Variants in ENTHD1 observed in about 807,000 individuals in gnomAD.
The protein encoded by ENTHD1 is ENTH domain-containing protein 1.
In ENTHD1, 23 loss-of-function variants were observed where a neutral mutation model predicts 39.1. The observed-to-expected ratio is 0.59, with a 90% CI of 0.42 to 0.83. The LOEUF (loss-of-function observed/expected upper bound fraction) is 0.83. ENTHD1 is among the 40% of genes least tolerant of loss of function. The pLI, the probability that ENTHD1 is intolerant of heterozygous loss-of-function variation, is 0.00. For missense variants in ENTHD1, 624 were observed against 705.4 expected, an observed-to-expected ratio of 0.88 and a Z score of 1.31; for synonymous variants, 230 against 258.2, an observed-to-expected ratio of 0.89 and a Z score of 1.05.
At chr22:39,840,453 A>T (rs574898746) in intron 3 of ENTHD1, among the ~76,000 whole-genome samples, 2 of 152,348 alleles carry the variant, frequency 1.3e-5, no homozygotes, top group East Asian at 3.9e-4. Context: ...GCAATGCACC[A>T]TACATTTTGG....
intron 3 of ENTHD1, among the ~76,000 whole-genome samples, chr22:39,848,325 C>T (rs952197236): frequency 6.6e-6 from 1 of 151,510 alleles, no homozygotes; most frequent in Non-Finnish European, 1.5e-5. Flanking sequence ...ACAATCTTGG[C>T]TCACTGCAAC....
At chr22:39,784,582 ACT>A (rs1555925622) in intron 5 of ENTHD1, among the ~76,000 whole-genome samples, 4 of 144,916 alleles carry the variant, frequency 2.8e-5, no homozygotes, top group African/African-American at 1.0e-4. Flanking sequence ...ACACACACAC[ACT>A]AGAATATTCA....
Position 39,887,478 on chromosome 22 carries a change from G to C in ENTHD1, c.271C>G (p.Gln91Glu), listed in dbSNP as rs557485962. The change falls in exon 2 of 7, where the codon CAG becomes GAG. Residue 91 changes from glutamine (Q) to glutamate (E), a missense_variant. Physicochemically the swap from Gln to Glu is conservative, Grantham distance 29. Transcript: ENST00000325157. ...LIKNGSKKVI[Q>E]HCREGFCNLQ... ...TTACAGAACCCCTCTCTGCAATGCT[G>C]AATAACTTTCTTTGATCCATTCTTG... 5.6e-6 allele frequency: 9 copies of C among 1,614,192 alleles called. No homozygotes were observed. The East Asian group carries it at 2.0e-4, about 36-fold the overall frequency.
intron 6 of ENTHD1, among the ~76,000 whole-genome samples, chr22:39,759,141 GTCCT>G (rs1427860213): frequency 3.3e-5 from 5 of 152,094 alleles, no homozygotes; most frequent in South Asian, 2.1e-4. Flanking sequence ...GAGTTGGGTA[GTCCT>G]TCCTTTTCTA....
At chr22:39,847,131 C>T (rs2065995343) in intron 3 of ENTHD1, among the ~76,000 whole-genome samples, 1 of 151,882 alleles carries the variant, frequency 6.6e-6, no homozygotes, top group Non-Finnish European at 1.5e-5. Flanking sequence ...AAATGTCCAA[C>T]AATGATAGAC....
intron 2 of ENTHD1, among the ~76,000 whole-genome samples, chr22:39,885,915 T>C (rs868313261): frequency 7.9e-5 from 12 of 152,200 alleles, no homozygotes; most frequent in South Asian, 2.1e-4. Context: ...ATGTAATTAA[T>C]GCAACTGAAT....
intron 5 of ENTHD1, among the ~76,000 whole-genome samples, chr22:39,795,079 T>C (rs1464433598): frequency 6.6e-6 from 1 of 152,232 alleles, no homozygotes; most frequent in African/African-American, 2.4e-5. Flanking sequence ...GATTTGCGTA[T>C]ATTGAATCAC....
At position 39,841,172 on chromosome 22, in the gene ENTHD1, C is replaced by A. The variant is rs535867660; in HGVS notation, c.593-5214G>T. On this transcript the variant is annotated intron_variant, in intron 3 of 6. Transcript: ENST00000325157. ...CATATGGTCTTCATCCCAGATTCAC[C>A]AATTGTTAACATTTTGCCCCATTTG... Among the ~76,000 whole-genome samples, 3 of 152,226 alleles carry A rather than the reference C, an allele frequency of 2.0e-5. No homozygotes were observed. The South Asian group carries it at 6.2e-4, about 32-fold the overall frequency.
chr22:39,747,664 G>A (rs1569122093), intron 6 of ENTHD1, among the ~76,000 whole-genome samples: 1 of 152,158 alleles, frequency 6.6e-6, no homozygotes, highest in South Asian at 2.1e-4. Flanking sequence ...AGAAGGATGA[G>A]AGGCTATATC....
At chr22:39,789,478 A>C (rs2065487087) in intron 5 of ENTHD1, among the ~76,000 whole-genome samples, 1 of 152,188 alleles carries the variant, frequency 6.6e-6, no homozygotes. Flanking sequence ...GGAAATGTTC[A>C]GTCCTTAGGC....
At chr22:39,757,193 T>A (rs985878234) in intron 6 of ENTHD1, among the ~76,000 whole-genome samples, 10 of 152,214 alleles carry the variant, frequency 6.6e-5, no homozygotes, top group Admixed American at 1.3e-4. Flanking sequence ...GTCTTACATG[T>A]CTTTTGTTAA....
At chr22:39,812,649 C>T (rs565775934) in intron 5 of ENTHD1, among the ~76,000 whole-genome samples, 2 of 152,196 alleles carry the variant, frequency 1.3e-5, no homozygotes, top group African/African-American at 4.8e-5. Flanking sequence ...CATGACTGCT[C>T]CTCACCAAGG....
At chr22:39,832,488 T>C (rs2065876742) in intron 4 of ENTHD1, among the ~76,000 whole-genome samples, 1 of 152,110 alleles carries the variant, frequency 6.6e-6, no homozygotes, top group African/African-American at 2.4e-5. Context: ...TAATCCAATG[T>C]ATATTTAACG....
chr22:39,796,257 C>G (rs1032397634), intron 5 of ENTHD1, among the ~76,000 whole-genome samples: 3 of 151,914 alleles, frequency 2.0e-5, no homozygotes, highest in African/African-American at 7.3e-5. Context: ...TGCTCTGTTT[C>G]TTTCTTTTTC....
At chr22:39,875,900 C>A (rs1054955368) in intron 2 of ENTHD1, 1 of 1,613,892 alleles carries the variant, frequency 6.2e-7, no homozygotes, top group Admixed American at 1.7e-5. Flanking sequence ...TGATCTAGAT[C>A]GAGTAAAGAA....
At chr22:39,810,477 T>C (rs1273813807) in intron 5 of ENTHD1, among the ~76,000 whole-genome samples, 3 of 152,116 alleles carry the variant, frequency 2.0e-5, no homozygotes, top group African/African-American at 7.2e-5. Context: ...CCACCACCCA[T>C]GGAGTTCAGG....
chr22:39,756,811 C>T (rs2065189159), intron 6 of ENTHD1, among the ~76,000 whole-genome samples: 1 of 152,034 alleles, frequency 6.6e-6, no homozygotes, highest in Non-Finnish European at 1.5e-5. Context: ...TTTATAAAAG[C>T]TTCTAAGTAT....
At chr22:39,809,736 A>C (rs1234024947) in intron 5 of ENTHD1, among the ~76,000 whole-genome samples, 1 of 152,166 alleles carries the variant, frequency 6.6e-6, no homozygotes, top group Admixed American at 6.5e-5. Flanking sequence ...GGCTGAGATG[A>C]CCAGGGATAA....
At chr22:39,747,718 C>T (rs1221735806) in intron 6 of ENTHD1, among the ~76,000 whole-genome samples, 3 of 151,978 alleles carry the variant, frequency 2.0e-5, no homozygotes, top group Non-Finnish European at 2.9e-5. Flanking sequence ...ATAATACCTT[C>T]CATTACTCTT....
Sources: allele counts gnomAD v4.1 joint callset (sites outside exome capture counted in the v4.1 genomes callset), GRCh38; gene constraint gnomAD v4.1.1; transcripts MANE v1.5; gene names NCBI Gene and HGNC (gene_info 2026-07-23, HGNC 2026-07-21).